The following KCNMA1 variants were observed in gnomAD, a reference collection of about 807,000 sequenced individuals.
KCNMA1 encodes potassium calcium-activated channel subfamily M alpha 1.
A neutral mutation model predicts 140.0 loss-of-function variants in KCNMA1; 29 were observed. The observed-to-expected ratio is 0.21, with a 90% CI of 0.15 to 0.28. The LOEUF is 0.28. KCNMA1 is among the 10% of genes least tolerant of loss of function. The probability of loss-of-function intolerance (pLI) is 1.00; values close to 1 mark genes in which losing one functional copy is unlikely to be tolerated. For missense variants in KCNMA1, 880 were observed against 1,602.2 expected (o/e 0.55, Z 7.70); for synonymous variants, 612 against 611.9 (o/e 1.00, Z 0.00).
At position 77,133,134 on chromosome 10, in the gene KCNMA1, GA is replaced by G. The variant is rs71477073; in HGVS notation, c.809-12087del. Among the ~76,000 whole-genome samples the G allele has an allele frequency of 0.013, 1,504 of 114,564 alleles. 67 individuals are homozygous for G. The East Asian group carries it at 0.19, about 15-fold the overall frequency. The allele number at this position is 114,564 out of a possible 152,430, so 75.2% of individuals were successfully genotyped here. ...AAGGATATAAATTCCATAGCCTAGA[GA>G]AAAAAAAAAGGACAAAGGAATTTAA... On this transcript the variant is annotated intron_variant, in intron 5 of 27. Coordinates refer to ENST00000286628, the MANE Select transcript of KCNMA1 (RefSeq NM_001161352.2).
At chr10:77,545,246 G>T (rs1241659412) in intron 1 of KCNMA1, among the ~76,000 whole-genome samples, 1 of 152,204 alleles carries the variant, frequency 6.6e-6, no homozygotes, top group African/African-American at 2.4e-5. Context: ...TGTGGATAAA[G>T]TAATTTATGT....
At chr10:77,582,686 C>G (rs2154563214) in intron 1 of KCNMA1, among the ~76,000 whole-genome samples, 1 of 152,338 alleles carries the variant, frequency 6.6e-6, no homozygotes, top group African/African-American at 2.4e-5. Flanking sequence ...TCTTCTTGAC[C>G]AACTGCAAGG....
Position 77,434,703 on chromosome 10 carries a change from G to A in KCNMA1, c.379-30680C>T, listed in dbSNP as rs1021400731. 2.6e-5 allele frequency among the ~76,000 whole-genome samples: 4 copies of A among 152,170 alleles called. 1 individual carries two copies. The highest frequency in any genetic ancestry group is 9.7e-5 in the African/African-American group (4 of 41,432). On this transcript the variant is annotated intron_variant, in intron 1 of 27. Transcript: ENST00000286628. ...TGTCGAGCACTGGAAATACAAGGAC[G>A]ATAAAGACACCACCCCTGCCTCCAA... is the stretch of plus-strand genomic sequence containing the variant.
intron 2 of KCNMA1, among the ~76,000 whole-genome samples, chr10:77,375,738 G>T (rs1307557503): frequency 3.3e-5 from 5 of 152,242 alleles, no homozygotes; most frequent in African/African-American, 9.6e-5. Context: ...GTTGCAGAGA[G>T]CTACCTGGCC....
intron 1 of KCNMA1, among the ~76,000 whole-genome samples, chr10:77,483,635 C>G (rs2098427831): frequency 6.6e-6 from 1 of 152,218 alleles, no homozygotes; most frequent in African/African-American, 2.4e-5. Flanking sequence ...CACTCCAGGC[C>G]TCTCTGCTGA....
chr10:77,637,026 A>T, intron 1 of KCNMA1: 11 of 1,411,950 alleles, frequency 7.8e-6, no homozygotes, highest in Non-Finnish European at 1.0e-5. Context: ...ACAAGAGGAC[A>T]GGATTGAGCG....
intron 1 of KCNMA1, among the ~76,000 whole-genome samples, chr10:77,578,510 C>T (rs1302532656): frequency 1.3e-5 from 2 of 152,172 alleles, no homozygotes; most frequent in South Asian, 4.1e-4. Flanking sequence ...AGCCTGCAGC[C>T]CCCAACGAGG....
At chr10:77,361,179 T>C (rs1283760568) in intron 2 of KCNMA1, among the ~76,000 whole-genome samples, 1 of 152,192 alleles carries the variant, frequency 6.6e-6, no homozygotes, top group African/African-American at 2.4e-5. Context: ...GAGGTCTAAA[T>C]TGCTCCTAGT....
At chr10:77,480,547 G>A (rs1203255279) in intron 1 of KCNMA1, among the ~76,000 whole-genome samples, 1 of 152,162 alleles carries the variant, frequency 6.6e-6, no homozygotes, top group Non-Finnish European at 1.5e-5. Flanking sequence ...ATATCCTAGA[G>A]CAAGAAATAA....
At chr10:77,557,749 T>C (rs1383879322) in intron 1 of KCNMA1, among the ~76,000 whole-genome samples, 1 of 149,698 alleles carries the variant, frequency 6.7e-6, no homozygotes, top group African/African-American at 2.5e-5. Flanking sequence ...GCCTCCTGGG[T>C]TCAAGCAATT....
chr10:77,010,312 CA>C (rs1276297111), intron 18 of KCNMA1, among the ~76,000 whole-genome samples: 1 of 152,122 alleles, frequency 6.6e-6, no homozygotes, highest in African/African-American at 2.4e-5. Context: ...GCTGTGTCCA[CA>C]ACCAACTAAG....
At chr10:77,349,008 T>C (rs1238726117) in intron 2 of KCNMA1, among the ~76,000 whole-genome samples, 1 of 152,220 alleles carries the variant, frequency 6.6e-6, no homozygotes, top group East Asian at 1.9e-4. Context: ...AAAGATTGTA[T>C]TGGACTTTGA....
At chr10:77,403,830 C>A (rs2096369333) in intron 2 of KCNMA1, 32 bp downstream of exon 2, 2 of 1,596,894 alleles carry the variant, frequency 1.3e-6, no homozygotes, top group African/African-American at 2.7e-5. Context: ...GACAGCAAGG[C>A]CTCCTGGTGT....
intron 1 of KCNMA1, among the ~76,000 whole-genome samples, chr10:77,441,337 G>A (rs1174820311): frequency 6.6e-6 from 1 of 152,086 alleles, no homozygotes; most frequent in Non-Finnish European, 1.5e-5. Flanking sequence ...TAGGGGTGCA[G>A]GGAGAAAATT....
At chr10:77,550,952 C>G (rs947545712) in intron 1 of KCNMA1, among the ~76,000 whole-genome samples, 22 of 152,176 alleles carry the variant, frequency 1.4e-4, no homozygotes, top group African/African-American at 5.3e-4. Flanking sequence ...AGGGGACACA[C>G]TCATAGAGTA....
intron 2 of KCNMA1, among the ~76,000 whole-genome samples, chr10:77,268,084 C>T (rs959959085): frequency 6.6e-6 from 1 of 152,106 alleles, no homozygotes; most frequent in African/African-American, 2.4e-5. Context: ...TGAGTAGATG[C>T]CAAAGAATAT....
intron 1 of KCNMA1, among the ~76,000 whole-genome samples, chr10:77,475,889 G>A (rs2098267562): frequency 6.6e-6 from 1 of 152,182 alleles, no homozygotes; most frequent in Non-Finnish European, 1.5e-5. Context: ...TCACAGTGAG[G>A]CTCTGGCTGG....
At chr10:77,175,357 T>C (rs1220712076) in intron 5 of KCNMA1, among the ~76,000 whole-genome samples, 1 of 152,218 alleles carries the variant, frequency 6.6e-6, no homozygotes, top group Non-Finnish European at 1.5e-5. Context: ...ACTCAGAGAA[T>C]GACTGTGAGA....
intron 3 of KCNMA1, among the ~76,000 whole-genome samples, chr10:77,187,262 G>T (rs568280593): frequency 6.6e-6 from 1 of 152,310 alleles, no homozygotes; most frequent in South Asian, 2.1e-4. Context: ...ATGGAAACAG[G>T]TATTGAGAAG....
Sources: gnomAD v4.1 joint callset for allele counts (sites outside exome capture counted in the v4.1 genomes callset) on GRCh38, gnomAD v4.1.1 for gene constraint, MANE v1.5 for transcripts, NCBI Gene and HGNC (gene_info 2026-07-23, HGNC 2026-07-21) for gene names.